NCOA3: variants seen among roughly 807,000 people sequenced by gnomAD.
NCOA3 encodes the protein nuclear receptor coactivator 3, also known as CBP-interacting protein.
A neutral mutation model predicts 158.8 loss-of-function variants in NCOA3; 51 were observed. The ratio of observed to expected loss-of-function variants is 0.32; its 90% CI spans 0.26 to 0.41. NCOA3 has a LOEUF of 0.41. Ranked by LOEUF, NCOA3 falls within the 10% of genes least tolerant of loss-of-function variation. NCOA3 has a pLI of 1.00. For missense variants in NCOA3, 1,510 were observed against 1,746.6 expected (o/e 0.86, Z 2.41); for synonymous variants, 537 against 592.4 (o/e 0.91, Z 1.36).
chr20:47,601,835 C>G (rs1158205946), intron 2 of NCOA3, among the ~76,000 whole-genome samples: 1 of 152,180 alleles, frequency 6.6e-6, no homozygotes, highest in African/African-American at 2.4e-5. Context: ...TTCTGGGTCT[C>G]TGCTCTGTGA....
At chr20:47,621,353 G>A (rs1208499969) in intron 2 of NCOA3, among the ~76,000 whole-genome samples, 1 of 151,570 alleles carries the variant, frequency 6.6e-6, no homozygotes, top group African/African-American at 2.4e-5. Context: ...CTTCCTGGTA[G>A]CATTCTGCCA....
At chr20:47,650,259 CTTTT>C (rs555753870) in intron 19 of NCOA3, among the ~76,000 whole-genome samples, 1 of 131,114 alleles carries the variant, frequency 7.6e-6, no homozygotes. Context: ...AGCCAGAAAG[CTTTT>C]TTTTTTTTTT....
chr20:47,512,985 G>C (rs1000518622), intron 1 of NCOA3, among the ~76,000 whole-genome samples: 1 of 151,866 alleles, frequency 6.6e-6, no homozygotes, highest in East Asian at 1.9e-4. Flanking sequence ...GGCAAAACCT[G>C]GTCTCTACTA....
intron 1 of NCOA3, among the ~76,000 whole-genome samples, chr20:47,542,345 TAG>T (rs1188106893): frequency 6.6e-6 from 1 of 151,988 alleles, no homozygotes; most frequent in Non-Finnish European, 1.5e-5. Context: ...CGGCTTCCTG[TAG>T]AGTTTCTTAT....
chr20:47,518,574 C>T (rs1276871299), intron 1 of NCOA3, among the ~76,000 whole-genome samples: 1 of 151,640 alleles, frequency 6.6e-6, no homozygotes, highest in Non-Finnish European at 1.5e-5. Flanking sequence ...TACAGGCATG[C>T]ACCACTAAGC....
chr20:47,599,762 C>G (rs567065992), intron 2 of NCOA3, among the ~76,000 whole-genome samples: 41 of 152,276 alleles, frequency 2.7e-4, no homozygotes, highest in African/African-American at 9.9e-4. Context: ...AGAGGTCATC[C>G]TGTAATTATA....
intron 1 of NCOA3, among the ~76,000 whole-genome samples, chr20:47,535,990 G>C (rs1315916584): frequency 6.6e-6 from 1 of 152,058 alleles, no homozygotes; most frequent in East Asian, 1.9e-4. Context: ...GGCGCTGCTG[G>C]TGTCTGTCAG....
chr20:47,616,771 A>G (rs1463631710), intron 2 of NCOA3, among the ~76,000 whole-genome samples: 3 of 152,150 alleles, frequency 2.0e-5, no homozygotes, highest in Admixed American at 1.3e-4. Flanking sequence ...TTGGAAGTGC[A>G]TTAGAGGTGC....
chr20:47,519,980 T>G (rs929740978), intron 1 of NCOA3, among the ~76,000 whole-genome samples: 1 of 143,344 alleles, frequency 7.0e-6, no homozygotes, highest in Non-Finnish European at 1.5e-5. Flanking sequence ...GTCAGGCTGG[T>G]CTCGAACTCC....
At chr20:47,644,098 A>C (rs1336758729) in intron 17 of NCOA3, among the ~76,000 whole-genome samples, 1 of 139,932 alleles carries the variant, frequency 7.1e-6, no homozygotes, top group Non-Finnish European at 1.5e-5. Flanking sequence ...TTTCTGACCT[A>C]CTTTTCTGGG....
intron 18 of NCOA3, among the ~76,000 whole-genome samples, chr20:47,647,809 TC>T (rs1040143180): frequency 6.6e-6 from 1 of 152,084 alleles, no homozygotes; most frequent in African/African-American, 2.4e-5. Context: ...GTTTTCTTAG[TC>T]CCCAAGAAAT....
At position 47,622,107 on chromosome 20, in the gene NCOA3, A is replaced by AT. The variant is rs1453224586; in HGVS notation, c.-19-120dup. 10 of 557,348 alleles carry AT rather than the reference A, an allele frequency of 1.8e-5. 1 individual carries two copies. The highest frequency in any genetic ancestry group is 3.2e-5 in the Non-Finnish European group (10 of 316,528). 34.5% of individuals were successfully genotyped at this position (557,348 alleles called of 1,614,324 possible). ...TCATTTATGAAAAAGAATATTGAGA[A>AT]TTATCTGTTTAGAGAAAGTAGTTCT... On this transcript the variant is annotated intron_variant, in intron 2 of 22. Transcript: ENST00000371998.
intron 1 of NCOA3, among the ~76,000 whole-genome samples, chr20:47,511,923 T>C (rs1315273420): frequency 6.6e-6 from 1 of 152,100 alleles, no homozygotes; most frequent in Non-Finnish European, 1.5e-5. Flanking sequence ...ACAATGTATG[T>C]GATTTGAGTA....
chr20:47,647,909 G>GTTTTTTT (rs1199919209), intron 18 of NCOA3, among the ~76,000 whole-genome samples: 3 of 128,084 alleles, frequency 2.3e-5, no homozygotes, highest in Non-Finnish European at 3.3e-5. Flanking sequence ...TTGTTTGTTT[G>GTTTTTTT]TTTTGTTTTG....
intron 2 of NCOA3, among the ~76,000 whole-genome samples, chr20:47,611,425 A>G (rs1206219249): frequency 6.6e-6 from 1 of 152,224 alleles, no homozygotes; most frequent in Non-Finnish European, 1.5e-5. Context: ...CTTTTGATGT[A>G]GAGATACTTA....
intron 1 of NCOA3, among the ~76,000 whole-genome samples, chr20:47,529,140 T>TC (rs1188736403): frequency 6.6e-6 from 1 of 150,800 alleles, no homozygotes; most frequent in African/African-American, 2.4e-5. Flanking sequence ...TTTTTTTCTT[T>TC]TTTTTTTTTT....
At chr20:47,645,917 G>A (rs1050326320) in intron 17 of NCOA3, among the ~76,000 whole-genome samples, 9 of 152,198 alleles carry the variant, frequency 5.9e-5, no homozygotes, top group Non-Finnish European at 1.0e-4. Flanking sequence ...ATGCCCTGGA[G>A]GAAAAATTGA....
intron 3 of NCOA3, among the ~76,000 whole-genome samples, chr20:47,622,575 G>C (rs939129050): frequency 1.1e-4 from 17 of 152,154 alleles, no homozygotes; most frequent in African/African-American, 4.1e-4. Flanking sequence ...CTGAATGGAA[G>C]GAGGGGTAGG....
intron 2 of NCOA3, among the ~76,000 whole-genome samples, chr20:47,593,236 A>G (rs1195556014): frequency 6.7e-6 from 1 of 149,650 alleles, no homozygotes; most frequent in African/African-American, 2.5e-5. Flanking sequence ...CCCGGCCACC[A>G]CATACGTTTT....
Sources: gnomAD v4.1 joint callset for allele counts (sites outside exome capture counted in the v4.1 genomes callset) on GRCh38, gnomAD v4.1.1 for gene constraint, MANE v1.5 for transcripts, NCBI Gene and HGNC (gene_info 2026-07-23, HGNC 2026-07-21) for gene names.